Variants in TRHDE observed in about 807,000 individuals in gnomAD.
TRHDE encodes the protein thyrotropin releasing hormone degrading enzyme.
In TRHDE, 72 loss-of-function variants were observed where a neutral mutation model predicts 125.7. The ratio of observed to expected loss-of-function variants is 0.57; its 90% CI spans 0.47 to 0.70. The LOEUF is 0.70. Ranked by LOEUF, TRHDE falls within the 30% of genes least tolerant of loss-of-function variation. The probability of loss-of-function intolerance (pLI) is 0.00; values close to 1 mark genes in which losing one functional copy is unlikely to be tolerated. For synonymous variants in TRHDE, 509 were observed against 509.1 expected (o/e 1.00, Z 0.00); for missense variants, 1,110 against 1,327.1 (o/e 0.84, Z 2.54).
Position 72,391,895 on chromosome 12 carries a change from G to A in TRHDE, c.1315+13774G>A, listed in dbSNP as rs530503182. 3.6e-4 allele frequency among the ~76,000 whole-genome samples: 55 copies of A among 152,220 alleles called. 1 individual carries two copies. The highest frequency in any genetic ancestry group is 1.2e-3 in the Admixed American group (18 of 15,290). On this transcript the variant is annotated intron_variant, in intron 3 of 18. Transcript: ENST00000261180. ...CTCCCCAAATTTTATATGTTGAAGCGCTAAAGCCTAATGTAACTGTATTGA... is the reference window on the plus strand; with the variant it reads ...CTCCCCAAATTTTATATGTTGAAGCACTAAAGCCTAATGTAACTGTATTGA...
chr12:72,469,765 A>G lies in TRHDE; in HGVS notation c.1323A>G (p.Leu441=), dbSNP rs1180928811. The G allele has an allele frequency of 1.2e-6, 2 of 1,613,780 alleles. No homozygotes were observed. The highest frequency in any genetic ancestry group is 1.1e-5 in the South Asian group (1 of 91,006). The part of the protein sequence containing the change: ...VPYSLPKLDL[L]AVPKHPYAAM... ...GTTTTATTTTATTTCTAGATCTTTT[A>G]GCTGTGCCTAAGCATCCGTATGCTG... Residue 441 remains leucine (L), a synonymous_variant, in exon 4 of 19, where the codon TTA becomes TTG. Transcript: ENST00000261180.
chr12:72,584,256 G>A (rs1433102928), intron 12 of TRHDE, among the ~76,000 whole-genome samples: 2 of 151,874 alleles, frequency 1.3e-5, no homozygotes, highest in African/African-American at 4.8e-5. Context: ...TTATTCTGTA[G>A]GTTTGGTCCA....
intron 2 of TRHDE, among the ~76,000 whole-genome samples, chr12:72,203,232 CA>C (rs1272985613): frequency 5.9e-5 from 9 of 152,196 alleles, no homozygotes; most frequent in Admixed American, 2.6e-4. Context: ...GAGGCCAAGG[CA>C]GGCGGATCAC....
intron 2 of TRHDE, among the ~76,000 whole-genome samples, chr12:72,179,830 A>C (rs574816001): frequency 6.6e-6 from 1 of 152,264 alleles, no homozygotes; most frequent in Non-Finnish European, 1.5e-5. Context: ...GAACAAACAA[A>C]TCATAGCCTA....
At chr12:72,337,499 C>T (rs774995216) in intron 2 of TRHDE, among the ~76,000 whole-genome samples, 2 of 152,074 alleles carry the variant, frequency 1.3e-5, no homozygotes, top group Non-Finnish European at 2.9e-5. Context: ...AGTAGTTTCT[C>T]CCCTTAATTA....
intron 3 of TRHDE, among the ~76,000 whole-genome samples, chr12:72,462,303 G>GC (rs1334680780): frequency 6.6e-6 from 1 of 152,148 alleles, no homozygotes; most frequent in African/African-American, 2.4e-5. Context: ...GAATCAATAG[G>GC]CATAGAGCCC....
chr12:72,218,791 C>G (rs1048748011), intron 2 of TRHDE, among the ~76,000 whole-genome samples: 1 of 152,118 alleles, frequency 6.6e-6, no homozygotes, highest in Non-Finnish European at 1.5e-5. Flanking sequence ...TATAAGGAGA[C>G]TTGTTATTGG....
At chr12:72,265,219 T>C (rs560217410) in intron 2 of TRHDE, among the ~76,000 whole-genome samples, 1 of 152,088 alleles carries the variant, frequency 6.6e-6, no homozygotes, top group Admixed American at 6.5e-5. Context: ...TACAAATAAA[T>C]TTTTTAATGA....
At chr12:72,326,214 C>G (rs916728575) in intron 2 of TRHDE, among the ~76,000 whole-genome samples, 10 of 152,144 alleles carry the variant, frequency 6.6e-5, no homozygotes, top group Non-Finnish European at 8.8e-5. Flanking sequence ...ATATTTCATT[C>G]TGGCACTCAC....
At chr12:72,283,093 C>T (rs189205671) in intron 1 of TRHDE, among the ~76,000 whole-genome samples, 5 of 152,214 alleles carry the variant, frequency 3.3e-5, no homozygotes, top group Admixed American at 6.5e-5. Flanking sequence ...GTATAATACC[C>T]GTCTAGGTAT....
chr12:72,567,983 C>A (rs1870531027), intron 9 of TRHDE, among the ~76,000 whole-genome samples: 1 of 152,040 alleles, frequency 6.6e-6, no homozygotes, highest in African/African-American at 2.4e-5. Context: ...AATTCCATTT[C>A]ACAAAACAGA....
intron 2 of TRHDE, chr12:72,253,724 C>CAGAAGA: frequency 6.6e-6 from 1 of 152,170 alleles, no homozygotes; most frequent in Admixed American, 6.5e-5. Flanking sequence ...CTATCCCTAA[C>CAGAAGA]TTGCTGAGAG....
intron 2 of TRHDE, among the ~76,000 whole-genome samples, chr12:72,180,317 C>T (rs1486037529): frequency 1.3e-5 from 2 of 152,052 alleles, no homozygotes; most frequent in African/African-American, 4.8e-5. Context: ...TAATTGTCAA[C>T]ATCTTAATAT....
chr12:72,471,156 G>A (rs1468866688), intron 4 of TRHDE, among the ~76,000 whole-genome samples: 1 of 152,010 alleles, frequency 6.6e-6, no homozygotes, highest in Admixed American at 6.6e-5. Context: ...GGGATTACAG[G>A]CGTGAGCCAC....
At chr12:72,253,342 A>G (rs1285075258) in intron 2 of TRHDE, among the ~76,000 whole-genome samples, 1 of 152,030 alleles carries the variant, frequency 6.6e-6, no homozygotes, top group Non-Finnish European at 1.5e-5. Context: ...TTGAAACTGT[A>G]TACATTTTAT....
At chr12:72,326,388 G>A (rs1488156667) in intron 2 of TRHDE, among the ~76,000 whole-genome samples, 1 of 152,024 alleles carries the variant, frequency 6.6e-6, no homozygotes, top group Non-Finnish European at 1.5e-5. Context: ...ATCACACACT[G>A]GAGCCTGTTG....
At chr12:72,133,366 G>T (rs1036118392) in intron 2 of TRHDE, among the ~76,000 whole-genome samples, 3 of 152,114 alleles carry the variant, frequency 2.0e-5, no homozygotes, top group Admixed American at 1.3e-4. Context: ...GAAAGTGGTG[G>T]GTAATACAGG....
chr12:72,576,181 G>T lies in TRHDE; in HGVS notation c.2321+639G>T, dbSNP rs555953738. ...GAGACTAAAATGTAAAACAAACTCAGTCCCTTTAATATTTCATACTGTTTC... is the reference window on the plus strand; with the variant it reads ...GAGACTAAAATGTAAAACAAACTCATTCCCTTTAATATTTCATACTGTTTC... On this transcript the variant is annotated intron_variant, in intron 12 of 18. Transcript: ENST00000261180. Among the ~76,000 whole-genome samples, 10 of 152,162 alleles carry T rather than the reference G, an allele frequency of 6.6e-5. No homozygotes were observed. The South Asian group carries it at 1.9e-3, about 28-fold the overall frequency.
intron 18 of TRHDE, among the ~76,000 whole-genome samples, chr12:72,659,643 A>G (rs765040913): frequency 6.6e-6 from 1 of 152,188 alleles, no homozygotes; most frequent in Non-Finnish European, 1.5e-5. Flanking sequence ...GGAAATTTTA[A>G]TGCTGAAATC....
Sources: allele counts gnomAD v4.1 joint callset (sites outside exome capture counted in the v4.1 genomes callset), GRCh38; gene constraint gnomAD v4.1.1; transcripts MANE v1.5; gene names NCBI Gene and HGNC (gene_info 2026-07-23, HGNC 2026-07-21).